The following IPMK variants were observed in gnomAD, a reference collection of about 807,000 sequenced individuals.
IPMK encodes the protein inositol 1,3,4,6-tetrakisphosphate 5-kinase.
In IPMK, 17 loss-of-function variants were observed where a neutral mutation model predicts 45.8. The observed-to-expected ratio is 0.37, with a 90% confidence interval of 0.25 to 0.56. The LOEUF (loss-of-function observed/expected upper bound fraction) is 0.56. Among genes scored for constraint, IPMK ranks in the 20% least tolerant of loss-of-function variants. The pLI is 0.79. For synonymous variants in IPMK, 180 were observed against 184.3 expected, an observed-to-expected ratio of 0.98 and a Z score of 0.19; for missense variants, 399 against 498.0, an observed-to-expected ratio of 0.80 and a Z score of 1.89.
Position 58,216,259 on chromosome 10 carries a change from A to G in IPMK, c.432T>C (p.Asp144=). ...THKFNKPCIM[D]VKIGQKSYDP... Reference sequence around the variant, plus strand: ...CATAGCTTTTTTGCCCTATCTTTACATCCATTATACAGGGCTTATTAAATT... The same window carrying G: ...CATAGCTTTTTTGCCCTATCTTTACGTCCATTATACAGGGCTTATTAAATT... The change falls in exon 4 of 6, where the codon GAT becomes GAC. Residue 144 remains aspartate, a synonymous_variant. Transcript: ENST00000373935. 6.2e-7 allele frequency: 1 copy of G among 1,609,080 alleles called. No individual in the cohort carries two copies. The highest frequency in any genetic ancestry group is 1.1e-5 in the South Asian group (1 of 90,854).
At chr10:58,221,097 T>G (rs914762222) in intron 3 of IPMK, among the ~76,000 whole-genome samples, 5 of 152,208 alleles carry the variant, frequency 3.3e-5, no homozygotes, top group African/African-American at 1.2e-4. Flanking sequence ...CAGGCTAATA[T>G]CAAGCCTTAG....
chr10:58,236,176 C>T (rs1257286102), intron 2 of IPMK, among the ~76,000 whole-genome samples: 3 of 152,038 alleles, frequency 2.0e-5, no homozygotes, highest in African/African-American at 7.3e-5. Context: ...AGGGATCCAC[C>T]TGTCTTGGCC....
intron 1 of IPMK, among the ~76,000 whole-genome samples, chr10:58,249,070 G>T (rs1259404795): frequency 6.6e-6 from 1 of 152,140 alleles, no homozygotes; most frequent in African/African-American, 2.4e-5. Flanking sequence ...TGGATCATAT[G>T]GTAGATTTAT....
rs1292016245 is a variant in IPMK, at chr10:58,267,894, C to G, written c.-283G>C. 6.1e-6 allele frequency: 2 copies of G among 327,180 alleles called. No homozygotes were observed. Among genetic ancestry groups the G allele is most frequent in the Non-Finnish European group, 1.1e-5 (2 of 180,166 alleles). The allele number at this position is 327,180 out of a possible 1,614,324, so 20.3% of individuals were successfully genotyped here. A position where few individuals can be genotyped will look rare whatever the true frequency, so the allele number is the denominator to read the frequency against. On this transcript the variant is annotated 5_prime_UTR_variant, in exon 1 of 6. Transcript: ENST00000373935. The stretch of plus-strand genomic sequence containing the variant: ...CGGTAGACAGAACCGAGCCGAAGAA[C>G]AGCAGCAGCGGCGCCCCGCGCTCCC...
chr10:58,261,203 T>C (rs1486109535), intron 1 of IPMK, among the ~76,000 whole-genome samples: 1 of 146,762 alleles, frequency 6.8e-6, no homozygotes, highest in Non-Finnish European at 1.5e-5. Context: ...AAACAGTATA[T>C]ACAGCATACT....
intron 4 of IPMK, among the ~76,000 whole-genome samples, chr10:58,204,897 A>G (rs1588952087): frequency 6.6e-6 from 1 of 152,222 alleles, no homozygotes; most frequent in Non-Finnish European, 1.5e-5. Flanking sequence ...AGTACTTGGC[A>G]TAAGGATAGA....
At chr10:58,222,962 A>G (rs1564532189) in intron 3 of IPMK, among the ~76,000 whole-genome samples, 1 of 152,226 alleles carries the variant, frequency 6.6e-6, no homozygotes, top group African/African-American at 2.4e-5. Flanking sequence ...ATGCAAAGGC[A>G]TAAGAACAAT....
chr10:58,245,539 G>A (rs1260920740), intron 1 of IPMK, among the ~76,000 whole-genome samples: 1 of 151,594 alleles, frequency 6.6e-6, no homozygotes, highest in East Asian at 1.9e-4. Flanking sequence ...TTGAACACAG[G>A]AGGCGGATGC....
intron 2 of IPMK, 132 bp from the exon 3 acceptor site, chr10:58,227,271 A>G: frequency 1.6e-6 from 1 of 620,316 alleles, no homozygotes; most frequent in South Asian, 2.1e-5. Flanking sequence ...ATTTGGAACA[A>G]GCAAAAAATA....
At chr10:58,255,457 T>C (rs987865998) in intron 1 of IPMK, among the ~76,000 whole-genome samples, 2 of 152,146 alleles carry the variant, frequency 1.3e-5, no homozygotes, top group African/African-American at 4.8e-5. Context: ...ATGATTTCTC[T>C]TATCAGTCAA....
chr10:58,218,760 A>G (rs1342074300), intron 3 of IPMK, among the ~76,000 whole-genome samples: 1 of 152,222 alleles, frequency 6.6e-6, no homozygotes, highest in Non-Finnish European at 1.5e-5. Context: ...TTATGATAAG[A>G]TAAAGATAAG....
intron 5 of IPMK, among the ~76,000 whole-genome samples, chr10:58,197,806 G>C (rs1837932161): frequency 6.6e-6 from 1 of 152,182 alleles, no homozygotes; most frequent in South Asian, 2.1e-4. Context: ...GCAGAGGCGG[G>C]TGGATCACCT....
chr10:58,212,512 C>T (rs568983339), intron 4 of IPMK: 1 of 195,962 alleles, frequency 5.1e-6, no homozygotes, highest in African/African-American at 2.4e-5. Context: ...GGTGATAGAT[C>T]CAAAGTAATT....
In IPMK at chr10:58,201,006, G is replaced by GA. The variant is rs532295331; in HGVS notation, c.547-1686dup. ...ACGCAGAAATCAAAAGAAAAATAGA[G>GA]AAAAAAAACTGTTTGAAATTTATTT... On this transcript the variant is annotated intron_variant, in intron 4 of 5. Transcript: ENST00000373935. 3.9e-3 allele frequency among the ~76,000 whole-genome samples: 592 copies of GA among 151,654 alleles called. 3 individuals are homozygous for GA. Among genetic ancestry groups the GA allele is most frequent in the Middle Eastern group, 6.8e-3 (2 of 294 alleles).
intron 2 of IPMK, among the ~76,000 whole-genome samples, chr10:58,228,210 A>T (rs1677086990): frequency 2.0e-5 from 3 of 152,348 alleles, no homozygotes; most frequent in Admixed American, 2.0e-4. Flanking sequence ...TAATTACAAG[A>T]CGGAGGAATG....
At chr10:58,209,573 T>C (rs1025734900) in intron 4 of IPMK, among the ~76,000 whole-genome samples, 1 of 152,202 alleles carries the variant, frequency 6.6e-6, no homozygotes, top group African/African-American at 2.4e-5. Context: ...CGGTATGTGC[T>C]GGGAATGTCT....
At chr10:58,211,475 G>A (rs544213220) in intron 4 of IPMK, among the ~76,000 whole-genome samples, 44 of 152,068 alleles carry the variant, frequency 2.9e-4, no homozygotes, top group Non-Finnish European at 6.0e-4. Context: ...TTACAGGCAT[G>A]AGCCACCACA....
chr10:58,199,106 A>C, intron 5 of IPMK, 134 bp downstream of exon 5: 2 of 574,546 alleles, frequency 3.5e-6, no homozygotes, highest in Non-Finnish European at 3.0e-6. Context: ...AATTCTGTAA[A>C]TCTAAGTTTC....
At chr10:58,239,135 C>T (rs947484202) in intron 1 of IPMK, among the ~76,000 whole-genome samples, 7 of 151,960 alleles carry the variant, frequency 4.6e-5, no homozygotes, top group African/African-American at 1.4e-4. Context: ...GGCGACAGAG[C>T]GAGAGCCCCT....
Sources: allele counts gnomAD v4.1 joint callset (sites outside exome capture counted in the v4.1 genomes callset), GRCh38; gene constraint gnomAD v4.1.1; transcripts MANE v1.5; gene names NCBI Gene and HGNC (gene_info 2026-07-23, HGNC 2026-07-21).